Variants in PTPRD observed in about 807,000 individuals in gnomAD.
The protein encoded by PTPRD is receptor-type tyrosine-protein phosphatase delta.
Under a neutral mutation model 214.5 loss-of-function variants are expected in PTPRD, and 34 were observed. That is an observed-to-expected ratio of 0.16 (90% CI 0.12 to 0.21). The LOEUF is 0.21. Among genes scored for constraint, PTPRD ranks in the 10% least tolerant of loss-of-function variants. PTPRD has a pLI of 1.00. For missense variants in PTPRD, 2,545 were observed against 2,398.7 expected, an observed-to-expected ratio of 1.06 and a Z score of -1.27; for synonymous variants, 1,128 against 845.7, an observed-to-expected ratio of 1.33 and a Z score of -5.79.
intron 5 of PTPRD, among the ~76,000 whole-genome samples, chr9:9,838,268 C>T (rs1480428311): frequency 6.6e-5 from 10 of 152,046 alleles, no homozygotes; most frequent in Non-Finnish European, 1.0e-4. Context: ...ATTTGTAGTC[C>T]TTTGGGTATA....
intron 4 of PTPRD, among the ~76,000 whole-genome samples, chr9:9,995,564 T>G (rs1179186425): frequency 6.6e-6 from 1 of 152,188 alleles, no homozygotes; most frequent in African/African-American, 2.4e-5. Context: ...GGGCAGTAGC[T>G]TGGCAGTGGC....
intron 21 of PTPRD, among the ~76,000 whole-genome samples, chr9:8,516,602 A>C (rs1378846264): frequency 6.6e-6 from 1 of 152,072 alleles, no homozygotes; most frequent in Non-Finnish European, 1.5e-5. Context: ...GCATCTGAGA[A>C]AATTTATTAA....
intron 3 of PTPRD, among the ~76,000 whole-genome samples, chr9:10,249,277 C>G (rs970710919): frequency 2.6e-5 from 4 of 152,214 alleles, no homozygotes; most frequent in Admixed American, 2.0e-4. Context: ...ACTTAGTTCT[C>G]TTTTGTGTTG....
At chr9:9,755,150 C>A (rs1480757233) in intron 6 of PTPRD, among the ~76,000 whole-genome samples, 1 of 151,738 alleles carries the variant, frequency 6.6e-6, no homozygotes, top group Non-Finnish European at 1.5e-5. Context: ...TTTGAGAACC[C>A]CAGTGAGATC....
chr9:10,094,520 G>GTT (rs5896369), intron 3 of PTPRD, among the ~76,000 whole-genome samples: 88 of 137,734 alleles, frequency 6.4e-4, no homozygotes, highest in African/African-American at 1.3e-3. Flanking sequence ...CAACAGTATG[G>GTT]TTTTTTTTTT....
rs141148468 is a variant in PTPRD at position 10,448,946 on chromosome 9, T to C, written c.-599-107929A>G. ...TCATTAACTTAGTAATGATTATACT[T>C]AATGAAAATAGCAGTTATTCATATC... On this transcript the variant is annotated intron_variant, in intron 2 of 45. Coordinates refer to ENST00000381196, the MANE Select transcript of PTPRD (RefSeq NM_002839.4). Among the ~76,000 whole-genome samples the C allele has an allele frequency of 2.6e-3, 397 of 152,186 alleles. 7 individuals are homozygous for C. The highest frequency in any genetic ancestry group is 8.3e-3 in the African/African-American group (345 of 41,416).
At chr9:9,836,150 T>C in intron 5 of PTPRD, among the ~76,000 whole-genome samples, 1 of 152,256 alleles carries the variant, frequency 6.6e-6, no homozygotes, top group Admixed American at 6.5e-5. Context: ...GAAATGGGAA[T>C]ATCAAGAGTC....
chr9:9,053,226 A>G (rs1309641239), intron 10 of PTPRD, among the ~76,000 whole-genome samples: 2 of 152,194 alleles, frequency 1.3e-5, no homozygotes, highest in Non-Finnish European at 2.9e-5. Flanking sequence ...GGTTTACATT[A>G]TGGGATCTGT....
chr9:8,480,289 A>G (rs1013179290), intron 30 of PTPRD, among the ~76,000 whole-genome samples: 1 of 152,094 alleles, frequency 6.6e-6, no homozygotes, highest in Admixed American at 6.6e-5. Context: ...TCCCACTCCC[A>G]TGGCCCAGCT....
At chr9:10,431,054 C>T (rs1450208207) in intron 2 of PTPRD, among the ~76,000 whole-genome samples, 2 of 151,936 alleles carry the variant, frequency 1.3e-5, no homozygotes, top group African/African-American at 4.8e-5. Context: ...ATATGAACTA[C>T]CAGAGAATAA....
chr9:9,924,135 A>G (rs2083462305), intron 5 of PTPRD, among the ~76,000 whole-genome samples: 1 of 152,068 alleles, frequency 6.6e-6, no homozygotes, highest in East Asian at 1.9e-4. Flanking sequence ...TAATGATTTC[A>G]CCAGAAACAA....
chr9:9,091,156 C>T (rs1360522386), intron 10 of PTPRD: 9 of 1,538,634 alleles, frequency 5.8e-6, no homozygotes, highest in East Asian at 4.5e-5. Flanking sequence ...AGTCAGGAAT[C>T]GATCTCGTGA....
intron 9 of PTPRD, among the ~76,000 whole-genome samples, chr9:9,263,126 G>A (rs1369413484): frequency 1.3e-5 from 2 of 151,410 alleles, no homozygotes; most frequent in Non-Finnish European, 3.0e-5. Flanking sequence ...AAGTTCTGGG[G>A]GCTCTGTTAC....
chr9:10,482,136 C>T (rs1178087824), intron 2 of PTPRD, among the ~76,000 whole-genome samples: 7 of 152,254 alleles, frequency 4.6e-5, no homozygotes, highest in Admixed American at 6.5e-5. Context: ...TTTTGGGAGG[C>T]CCAGGCGGGA....
At chr9:8,991,923 G>A (rs925155998) in intron 11 of PTPRD, among the ~76,000 whole-genome samples, 1 of 151,980 alleles carries the variant, frequency 6.6e-6, no homozygotes, top group Admixed American at 6.6e-5. Flanking sequence ...AAATTTTAAA[G>A]TTATTTTTAT....
At position 8,317,624 on chromosome 9, in the gene PTPRD, G is replaced by C; in HGVS notation, c.*250C>G. 1 of 358,358 alleles carries C rather than the reference G, an allele frequency of 2.8e-6. No homozygotes were observed. Among genetic ancestry groups the C allele is most frequent in the Non-Finnish European group, 5.3e-6 (1 of 190,264 alleles). The allele number at this position is 358,358 out of a possible 1,614,324, so 22.2% of individuals were successfully genotyped here. A position where few individuals can be genotyped will look rare whatever the true frequency, so the allele number is the denominator to read the frequency against. On this transcript the variant is annotated 3_prime_UTR_variant, in exon 46 of 46. Transcript: ENST00000381196. Reference sequence around the variant, plus strand: ...TTGATTTTGAATCCTTGAGGTATCTGTAAATAAAATCCTTCAGATGCCTCA... The same window carrying C: ...TTGATTTTGAATCCTTGAGGTATCTCTAAATAAAATCCTTCAGATGCCTCA...
intron 11 of PTPRD, among the ~76,000 whole-genome samples, chr9:8,991,938 G>C (rs1400913494): frequency 6.6e-6 from 1 of 151,738 alleles, no homozygotes; most frequent in Non-Finnish European, 1.5e-5. Flanking sequence ...TTTTATAAGA[G>C]ACATTTGCCA....
At chr9:10,197,229 TTC>T (rs903825728) in intron 3 of PTPRD, among the ~76,000 whole-genome samples, 22 of 152,220 alleles carry the variant, frequency 1.4e-4, no homozygotes, top group African/African-American at 3.4e-4. Context: ...TTTTGATGCA[TTC>T]TGTTTATGAT....
chr9:9,705,080 G>A (rs528239288), intron 7 of PTPRD, among the ~76,000 whole-genome samples: 1 of 152,240 alleles, frequency 6.6e-6, no homozygotes, highest in South Asian at 2.1e-4. Flanking sequence ...AGCAATGTGA[G>A]CATTTTCTAG....
Sources: gnomAD v4.1 joint callset for allele counts (sites outside exome capture counted in the v4.1 genomes callset) on GRCh38, gnomAD v4.1.1 for gene constraint, MANE v1.5 for transcripts, NCBI Gene and HGNC (gene_info 2026-07-23, HGNC 2026-07-21) for gene names.